The following SEPTIN2 variants were observed in gnomAD, a reference collection of about 807,000 sequenced individuals.
SEPTIN2 encodes the protein septin 2.
A neutral mutation model predicts 46.5 loss-of-function variants in SEPTIN2; 34 were observed. That is an observed-to-expected ratio of 0.73 (90% confidence interval 0.56 to 0.97). SEPTIN2 has a LOEUF of 0.97. Ranked by LOEUF, SEPTIN2 falls within the 50% of genes least tolerant of loss-of-function variation. The pLI is 0.00. For missense variants in SEPTIN2, 347 were observed against 448.4 expected, an observed-to-expected ratio of 0.77 and a Z score of 2.04; for synonymous variants, 175 against 153.4, an observed-to-expected ratio of 1.14 and a Z score of -1.04.
rs1350466048 is a variant in SEPTIN2 at position 241,335,206 on chromosome 2, G to A, written c.211G>A (p.Ala71Thr). Residue 71 changes from alanine to threonine, a missense_variant, in exon 4 of 13, where the codon GCA becomes ACA. Ala to Thr is a moderately conservative substitution (Grantham distance 58). Transcript: ENST00000391971. The stretch of plus-strand genomic sequence containing the variant: ...GTACCCAGAAAGAGTCATACCTGGA[G>A]CAGCAGGTAAAAACATTCTTATGTT... ...DLYPERVIPG[A>T]AEKIERTVQI... 1.2e-6 allele frequency: 2 copies of A among 1,612,974 alleles called. No homozygotes were observed. Among genetic ancestry groups the A allele is most frequent in the East Asian group, 2.2e-5 (1 of 44,884 alleles).
At chr2:241,344,832 C>T (rs977903426) in intron 9 of SEPTIN2, among the ~76,000 whole-genome samples, 1 of 152,158 alleles carries the variant, frequency 6.6e-6, no homozygotes, top group Non-Finnish European at 1.5e-5. Flanking sequence ...TTGGGAGGCC[C>T]AGGCGGGCGG....
intron 1 of SEPTIN2, chr2:241,316,787 C>T (rs1421355336): frequency 2.6e-6 from 1 of 390,770 alleles, no homozygotes; most frequent in Non-Finnish European, 4.6e-6. Flanking sequence ...CACTGAACTT[C>T]TTGTAGTTCA....
Position 241,343,778 on chromosome 2 carries a change from A to G in SEPTIN2, c.723A>G (p.Gly241=). The part of the protein sequence containing the change: ...LKASIPFSVV[G]SNQLIEAKGK... ...CTAGCATCCCATTCTCTGTGGTTGGATCCAATCAGTTGATTGAAGCCAAAG... is the reference window on the plus strand; with the variant it reads ...CTAGCATCCCATTCTCTGTGGTTGGGTCCAATCAGTTGATTGAAGCCAAAG... The change falls in exon 9 of 13, where the codon GGA becomes GGG. Residue 241 remains glycine (G), a synonymous_variant. Coordinates refer to ENST00000391971, the MANE Select transcript of SEPTIN2 (RefSeq NM_004404.5). The G allele has an allele frequency of 3.1e-6, 5 of 1,614,098 alleles. No homozygotes were observed. Among genetic ancestry groups the G allele is most frequent in the Non-Finnish European group, 4.2e-6 (5 of 1,179,996 alleles).
At chr2:241,318,321 C>G (rs934304747) in intron 1 of SEPTIN2, 3 of 152,118 alleles carry the variant, frequency 2.0e-5, no homozygotes, top group Admixed American at 2.0e-4. Context: ...GGTTTGAAAT[C>G]AGATACATGT....
chr2:241,342,497 A>G (rs900557733), intron 7 of SEPTIN2, among the ~76,000 whole-genome samples: 4 of 151,514 alleles, frequency 2.6e-5, no homozygotes, highest in Admixed American at 6.6e-5. Flanking sequence ...AGGATCCTCA[A>G]AATTCAAGTA....
At chr2:241,344,287 C>T (rs976138982) in intron 9 of SEPTIN2, among the ~76,000 whole-genome samples, 3 of 152,154 alleles carry the variant, frequency 2.0e-5, no homozygotes, top group Non-Finnish European at 2.9e-5. Flanking sequence ...GCTGAGCCAC[C>T]CCTGGTGCCC....
intron 5 of SEPTIN2, 70 bp from the exon 6 acceptor site, chr2:241,337,312 T>C: frequency 7.3e-7 from 1 of 1,379,282 alleles, no homozygotes; most frequent in Non-Finnish European, 9.9e-7. Flanking sequence ...AGGCACTTGT[T>C]TTCCCTTTGA....
At chr2:241,316,173 C>T (rs1407860838) in intron 1 of SEPTIN2, 191 bp downstream of exon 1, 3 of 259,018 alleles carry the variant, frequency 1.2e-5, no homozygotes, top group Non-Finnish European at 2.2e-5. Flanking sequence ...CCGTCCCGGG[C>T]GGTCCTAGTG....
chr2:241,335,901 CACCTGTCGTAAGA>C lies in SEPTIN2; in HGVS notation c.218-71_218-59del, dbSNP rs756983093. ...GTAGAGAGGCAGTAGACTCTGAAGTCACCTGTCGTAAGAACGTGAGCTTTCCTCTTCACATGCT... is the reference window on the plus strand; with the variant it reads ...GTAGAGAGGCAGTAGACTCTGAAGTCACGTGAGCTTTCCTCTTCACATGCT... On this transcript the variant is annotated intron_variant, in intron 4 of 12. Transcript: ENST00000391971. The C allele has an allele frequency of 4.5e-5, 72 of 1,599,662 alleles. No homozygotes were observed. The African/African-American group carries it at 5.2e-4, about 12-fold the overall frequency.
intron 3 of SEPTIN2, among the ~76,000 whole-genome samples, chr2:241,331,479 T>C (rs534351186): frequency 2.0e-5 from 3 of 152,304 alleles, no homozygotes; most frequent in African/African-American, 4.8e-5. Context: ...AACCTCCACC[T>C]CCCAGGTTTA....
chr2:241,336,841 A>G (rs2080085976), intron 5 of SEPTIN2: 1 of 170,192 alleles, frequency 5.9e-6, no homozygotes, highest in Admixed American at 6.5e-5. Flanking sequence ...CATGCCTGTA[A>G]TCCCAGCACT....
rs928065093 is a variant in SEPTIN2 at position 241,343,037 on chromosome 2, C to T, written c.640C>T (p.Pro214Ser). 6.2e-7 allele frequency: 1 copy of T among 1,610,874 alleles called. No homozygotes were observed. Among genetic ancestry groups the T allele is most frequent in the Non-Finnish European group, 8.5e-7 (1 of 1,177,488 alleles). ...ACATAACATCAAAATCTATCACTTA[C>T]CTGATGCAGAATCAGATGAAGATGA... is the stretch of plus-strand genomic sequence containing the variant. ...EEHNIKIYHL[P>S]DAESDEDEDF... The change falls in exon 8 of 13, where the codon CCT (proline) becomes TCT (serine). Residue 214 changes from proline (P) to serine (S), a missense_variant. Pro to Ser is a moderately conservative substitution (Grantham distance 74). Transcript: ENST00000391971.
At chr2:241,324,606 T>G (rs1415481183) in intron 2 of SEPTIN2, 5 of 329,772 alleles carry the variant, frequency 1.5e-5, no homozygotes, top group Non-Finnish European at 2.9e-5. Flanking sequence ...AGGATGGCCT[T>G]GATCTGTTGA....
At chr2:241,336,248 TTAAA>T in intron 5 of SEPTIN2, 150 bp downstream of exon 5, 2 of 854,572 alleles carry the variant, frequency 2.3e-6, no homozygotes, top group East Asian at 2.7e-5. Context: ...TGTTGACTTT[TTAAA>T]TAAGGAATTT....
chr2:241,333,360 A>G (rs2079337899), intron 3 of SEPTIN2, among the ~76,000 whole-genome samples: 1 of 152,250 alleles, frequency 6.6e-6, no homozygotes, highest in Non-Finnish European at 1.5e-5. Flanking sequence ...CGTTTATTAA[A>G]AGGATGACTT....
intron 3 of SEPTIN2, among the ~76,000 whole-genome samples, chr2:241,329,235 C>G (rs1283457810): frequency 2.0e-5 from 3 of 151,864 alleles, no homozygotes; most frequent in African/African-American, 7.3e-5. Flanking sequence ...ACGCCATTCT[C>G]CCACCTCAGC....
chr2:241,327,091 C>T (rs2078113327), intron 3 of SEPTIN2, among the ~76,000 whole-genome samples: 1 of 140,158 alleles, frequency 7.1e-6, no homozygotes, highest in Non-Finnish European at 1.5e-5. Flanking sequence ...CAGGCATTTA[C>T]AGTGTAACAT....
chr2:241,316,431 A>C, intron 1 of SEPTIN2: 1 of 1,285,950 alleles, frequency 7.8e-7, no homozygotes. Context: ...GGCGTGGAGG[A>C]CTGGCCAGCC....
rs1315657840 is a variant in SEPTIN2, at chr2:241,350,104, TGCAGGC to T, written c.1021_1026del (p.Ala341_Gln342del). 1.2e-6 allele frequency: 2 copies of T among 1,614,160 alleles called. No individual in the cohort carries two copies. Among genetic ancestry groups the T allele is most frequent in the Admixed American group, 1.7e-5 (1 of 60,030 alleles). ...CGCATGCAAGAGATGATTGCAAGGATGCAGGCGCAGATGCAGATGCAGATGCAGGGC... is the reference window on the plus strand; with the variant it reads ...CGCATGCAAGAGATGATTGCAAGGATGCAGATGCAGATGCAGATGCAGGGC... On this transcript the variant is annotated inframe_deletion, in exon 12 of 13. Transcript: ENST00000391971.
Sources: gnomAD v4.1 joint callset for allele counts (sites outside exome capture counted in the v4.1 genomes callset) on GRCh38, gnomAD v4.1.1 for gene constraint, MANE v1.5 for transcripts, NCBI Gene and HGNC (gene_info 2026-07-23, HGNC 2026-07-21) for gene names.